Variants in ABLIM3 observed in about 807,000 individuals in gnomAD.
ABLIM3 encodes the protein actin-binding LIM protein 3.
A neutral mutation model predicts 109.5 loss-of-function variants in ABLIM3; 61 were observed. That is an observed-to-expected ratio of 0.56 (90% CI 0.45 to 0.69). The LOEUF (loss-of-function observed/expected upper bound fraction) is 0.69, where lower values mean the gene tolerates loss of function less well. Ranked by LOEUF, ABLIM3 falls within the 30% of genes least tolerant of loss-of-function variation. The pLI is 0.00. For missense variants in ABLIM3, 796 were observed against 889.5 expected, an observed-to-expected ratio of 0.89 and a Z score of 1.34; for synonymous variants, 300 against 324.8, an observed-to-expected ratio of 0.92 and a Z score of 0.82.
chr5:149,239,194 C>G (rs962387686), intron 11 of ABLIM3, 54 bp from the exon 12 acceptor site: 4 of 1,593,466 alleles, frequency 2.5e-6, no homozygotes, highest in Admixed American at 1.7e-5. Context: ...GTCTCGTCCT[C>G]CTCTCATTCC....
chr5:149,259,849 A>G lies in ABLIM3; in HGVS notation c.*1445A>G. 2 of 516,912 alleles carry G rather than the reference A, an allele frequency of 3.9e-6. No homozygotes were observed. Among genetic ancestry groups the G allele is most frequent in the Non-Finnish European group, 7.0e-6 (2 of 286,046 alleles). 32.0% of individuals were successfully genotyped at this position (516,912 alleles called of 1,614,324 possible). A position where few individuals can be genotyped will look rare whatever the true frequency, so the allele number is the denominator to read the frequency against. Reference sequence around the variant, plus strand: ...GCTGGCGATGTGACATGGCAAATGTAGAACTGACTTAAATTGAACAAACCC... The same window carrying G: ...GCTGGCGATGTGACATGGCAAATGTGGAACTGACTTAAATTGAACAAACCC... On this transcript the variant is annotated 3_prime_UTR_variant, in exon 24 of 24. Transcript: ENST00000309868.
chr5:149,204,874 C>T (rs1157255458), intron 5 of ABLIM3, among the ~76,000 whole-genome samples: 1 of 152,232 alleles, frequency 6.6e-6, no homozygotes, highest in South Asian at 2.1e-4. Flanking sequence ...CTCTCTCCTA[C>T]AGCTTAACTC....
At chr5:149,225,156 A>G (rs1379579338) in intron 8 of ABLIM3, among the ~76,000 whole-genome samples, 2 of 152,198 alleles carry the variant, frequency 1.3e-5, no homozygotes, top group Non-Finnish European at 2.9e-5. Context: ...TGTTAATGTA[A>G]AATTCTCATA....
Position 149,251,374 on chromosome 5 carries a change from C to T in ABLIM3, c.1804C>T (p.Leu602Phe). The change falls in exon 21 of 24, where the codon CTC (leucine) becomes TTC (phenylalanine). Residue 602 changes from leucine to phenylalanine, a missense_variant. Physicochemically the swap from Leu to Phe is conservative, Grantham distance 22. Transcript: ENST00000309868. ...TCTTCTGCAGACACCCAGCGCAGACCTCTTCCACTACGACAGCATGAACGC... is the reference window on the plus strand; with the variant it reads ...TCTTCTGCAGACACCCAGCGCAGACTTCTTCCACTACGACAGCATGAACGC... ...NGLHRTPSADLFHYDSMNAVN... is the reference protein window; with the variant it reads ...NGLHRTPSADFFHYDSMNAVN... The T allele has an allele frequency of 1.9e-6, 3 of 1,614,184 alleles. No homozygotes were observed. Among genetic ancestry groups the T allele is most frequent in the Non-Finnish European group, 2.5e-6 (3 of 1,180,036 alleles).
At chr5:149,237,739 C>A in intron 11 of ABLIM3, 136 bp downstream of exon 11, 4 of 1,149,164 alleles carry the variant, frequency 3.5e-6, no homozygotes, top group Non-Finnish European at 3.6e-6. Flanking sequence ...GATTTATGGC[C>A]AACGTTTTTT....
intron 2 of ABLIM3, among the ~76,000 whole-genome samples, chr5:149,152,009 T>A (rs1471217921): frequency 1.3e-5 from 2 of 152,136 alleles, no homozygotes; most frequent in East Asian, 3.9e-4. Context: ...ACACGTCTTA[T>A]TTGCCCTACA....
chr5:149,151,415 A>G (rs562117130), intron 2 of ABLIM3, among the ~76,000 whole-genome samples: 1 of 152,230 alleles, frequency 6.6e-6, no homozygotes, highest in South Asian at 2.1e-4. Context: ...GACACAATTC[A>G]ATCCATAATA....
intron 9 of ABLIM3, among the ~76,000 whole-genome samples, 177 bp downstream of exon 9, chr5:149,230,884 G>C (rs879121028): frequency 6.6e-6 from 1 of 152,054 alleles, no homozygotes; most frequent in Admixed American, 6.5e-5. Flanking sequence ...TTTTTGAGGG[G>C]GTTAAGACAT....
intron 1 of ABLIM3, 126 bp downstream of exon 1, chr5:149,141,780 G>C (rs1028396803): frequency 4.7e-6 from 2 of 425,210 alleles, no homozygotes; most frequent in Non-Finnish European, 8.5e-6. Context: ...TCCGGGGTGC[G>C]CGCGAGCAGG....
chr5:149,179,278 C>T (rs1756247799), intron 2 of ABLIM3, among the ~76,000 whole-genome samples: 1 of 146,732 alleles, frequency 6.8e-6, no homozygotes, highest in African/African-American at 2.7e-5. Context: ...AATTTTTAAT[C>T]TCAGGGGCAT....
At chr5:149,171,796 C>T (rs191052260) in intron 2 of ABLIM3, among the ~76,000 whole-genome samples, 59 of 152,330 alleles carry the variant, frequency 3.9e-4, no homozygotes, top group Admixed American at 1.8e-3. Flanking sequence ...GGCCCCAATC[C>T]ATGCCTTCCC....
intron 2 of ABLIM3, among the ~76,000 whole-genome samples, chr5:149,146,880 A>G (rs1752980322): frequency 6.6e-6 from 1 of 152,216 alleles, no homozygotes; most frequent in Admixed American, 6.5e-5. Context: ...TAGGAATAGC[A>G]TTGAATCTAT....
At chr5:149,160,408 A>G (rs976257702) in intron 2 of ABLIM3, among the ~76,000 whole-genome samples, 1 of 106,608 alleles carries the variant, frequency 9.4e-6, no homozygotes, top group Non-Finnish European at 2.1e-5. Context: ...CACTGAGCCA[A>G]GATTGCACAT....
intron 5 of ABLIM3, among the ~76,000 whole-genome samples, chr5:149,206,240 G>C (rs1190044846): frequency 3.3e-5 from 5 of 152,152 alleles, no homozygotes; most frequent in Non-Finnish European, 7.3e-5. Context: ...CACATTCCAG[G>C]GTGACCGTGT....
chr5:149,178,103 G>T (rs1756123652), intron 2 of ABLIM3, among the ~76,000 whole-genome samples: 1 of 152,164 alleles, frequency 6.6e-6, no homozygotes, highest in African/African-American at 2.4e-5. Context: ...GTAGGAAACA[G>T]GATCGGCACC....
At chr5:149,239,319 C>A in intron 12 of ABLIM3, 42 bp downstream of exon 12, 1 of 1,603,734 alleles carries the variant, frequency 6.2e-7, no homozygotes, top group Non-Finnish European at 8.5e-7. Context: ...TATAATTGTG[C>A]CCCTTTATGT....
intron 2 of ABLIM3, among the ~76,000 whole-genome samples, chr5:149,179,382 C>T (rs891927273): frequency 1.3e-5 from 2 of 152,090 alleles, no homozygotes; most frequent in Non-Finnish European, 2.9e-5. Context: ...CTTTTATTCT[C>T]GGAAAGATTA....
In ABLIM3 at chr5:149,230,698, G is replaced by A; in HGVS notation, c.807G>A (p.Lys269=). The A allele has an allele frequency of 6.2e-7, 1 of 1,614,066 alleles. No homozygotes were observed. The highest frequency in any genetic ancestry group is 8.5e-7 in the Non-Finnish European group (1 of 1,179,972). Reference sequence around the variant, plus strand: ...GCAAACAGGCAGCCCGGGCAGAGAAGAAGTTAAAGGTAAGCAAGCTAGTAG... The same window carrying A: ...GCAAACAGGCAGCCCGGGCAGAGAAAAAGTTAAAGGTAAGCAAGCTAGTAG... The part of the protein sequence containing the change: ...PICKQAARAE[K]KLKHRRTSET... The change falls in exon 9 of 24, where the codon AAG becomes AAA. Residue 269 remains lysine (K), a synonymous_variant. Coordinates refer to ENST00000309868, the MANE Select transcript of ABLIM3 (RefSeq NM_014945.5).
Position 149,141,903 on chromosome 5 carries a change from C to A in ABLIM3, c.-87-106C>A, listed in dbSNP as rs575888390. ...TCTCACCTGCGCCTATTAGTCCACG[C>A]GCCTTCAAGGCCAGGGGCTACAGCC... On this transcript the variant is annotated intron_variant, in intron 1 of 23. Coordinates refer to ENST00000309868, the MANE Select transcript of ABLIM3 (RefSeq NM_014945.5). 11 of 775,810 alleles carry A rather than the reference C, an allele frequency of 1.4e-5. No individual in the cohort carries two copies. In the East Asian group the frequency reaches 2.2e-4, roughly 16 times the overall value. 48.1% of individuals were successfully genotyped at this position (775,810 alleles called of 1,614,324 possible). A position where few individuals can be genotyped will look rare whatever the true frequency, so the allele number is the denominator to read the frequency against.
Sources: allele counts gnomAD v4.1 joint callset (sites outside exome capture counted in the v4.1 genomes callset), GRCh38; gene constraint gnomAD v4.1.1; transcripts MANE v1.5; gene names NCBI Gene and HGNC (gene_info 2026-07-23, HGNC 2026-07-21).